Variants in BRI3BP observed in about 807,000 individuals in gnomAD.
BRI3BP encodes the protein BRI3-binding protein.
Under a neutral mutation model 15.8 loss-of-function variants are expected in BRI3BP, and 7 were observed. The observed-to-expected ratio is 0.44, with a 90% CI of 0.25 to 0.83. The LOEUF (loss-of-function observed/expected upper bound fraction) is 0.83, where lower values mean the gene tolerates loss of function less well. BRI3BP is among the 40% of genes least tolerant of loss of function. BRI3BP has a pLI of 0.20. For missense variants in BRI3BP, 320 were observed against 339.3 expected, an observed-to-expected ratio of 0.94 and a Z score of 0.45; for synonymous variants, 192 against 163.5, an observed-to-expected ratio of 1.17 and a Z score of -1.33.
rs776003115 is a variant in BRI3BP at position 125,012,595 on chromosome 12, G to A, written c.275G>A (p.Trp92Ter). The A allele has an allele frequency of 6.2e-7, 1 of 1,613,130 alleles. No homozygotes were observed. Among genetic ancestry groups the A allele is most frequent in the South Asian group, 1.1e-5 (1 of 91,056 alleles). Residue 92 changes from tryptophan to a stop codon, truncating the protein, a stop_gained, in exon 2 of 3, where the codon TGG (tryptophan) becomes TAG (stop). Coordinates refer to ENST00000341446, the MANE Select transcript of BRI3BP (RefSeq NM_080626.6). LOFTEE classifies it low-confidence loss of function (END_TRUNC). ...GTGGATATGTTCGTGGAGACACTGTGGAAAGTCTGGACCGAGCTCTTGGAT... is the reference window on the plus strand; with the variant it reads ...GTGGATATGTTCGTGGAGACACTGTAGAAAGTCTGGACCGAGCTCTTGGAT... ...LGVDMFVETL[W>*]KVWTELLDVL... is the part of the protein sequence containing the mutation.
chr12:125,003,699 TC>T (rs1955115837), intron 1 of BRI3BP, among the ~76,000 whole-genome samples: 1 of 152,162 alleles, frequency 6.6e-6, no homozygotes, highest in Non-Finnish European at 1.5e-5. Flanking sequence ...ATGCCTGTAA[TC>T]CCAGCACTTT....
chr12:125,022,537 A>ATTTTTTTTTT (rs1391143992), intron 2 of BRI3BP, among the ~76,000 whole-genome samples: 2 of 70,616 alleles, frequency 2.8e-5, no homozygotes, highest in Non-Finnish European at 2.8e-5. Flanking sequence ...TTATTTATTT[A>ATTTTTTTTTT]TTTATTTTTT....
intron 1 of BRI3BP, among the ~76,000 whole-genome samples, chr12:125,000,924 A>G (rs780839031): frequency 1.3e-5 from 2 of 152,200 alleles, no homozygotes; most frequent in Admixed American, 1.3e-4. Flanking sequence ...TCCATATTCA[A>G]ATTGTCTTTA....
At chr12:125,034,165 G>A (rs1331932520), downstream of BRI3BP, among the ~76,000 whole-genome samples, 1 of 152,060 alleles carries the variant, frequency 6.6e-6, no homozygotes, top group Non-Finnish European at 1.5e-5. Context: ...TACCGCCTCA[G>A]CCTCCCAAGT....
In BRI3BP at chr12:125,016,825, C is replaced by CTT. The variant is rs58016016; in HGVS notation, c.316+4215_316+4216dup. ...ACGGGCATGAGCCACTGCGCCCAGCCTTTTTTTTTTTTTTTTTTTTTTTTT... is the reference window on the plus strand; with the variant it reads ...ACGGGCATGAGCCACTGCGCCCAGCCTTTTTTTTTTTTTTTTTTTTTTTTTTT... On this transcript the variant is annotated intron_variant, in intron 2 of 2. Coordinates refer to ENST00000341446, the MANE Select transcript of BRI3BP (RefSeq NM_080626.6). Among the ~76,000 whole-genome samples the CTT allele has an allele frequency of 3.5e-4, 14 of 39,808 alleles. 3 individuals carry two copies. The highest frequency in any genetic ancestry group is 4.9e-4 in the African/African-American group (5 of 10,228). 26.1% of individuals were successfully genotyped at this position (39,808 alleles called of 152,430 possible).
chr12:125,025,209 G>A lies in BRI3BP; in HGVS notation c.535G>A (p.Gly179Ser). ...SCVYILHKYE[G>S]EPENAVLPLC... ...CGTGTACATCCTGCACAAGTACGAG[G>A]GCGAGCCGGAGAACGCGGTGCTGCC... Residue 179 changes from glycine (G) to serine (S), a missense_variant, in exon 3 of 3, where the codon GGC becomes AGC. Gly to Ser is a moderately conservative substitution (Grantham distance 56, BLOSUM62 0). Coordinates refer to ENST00000341446, the MANE Select transcript of BRI3BP (RefSeq NM_080626.6). 6.2e-7 allele frequency: 1 copy of A among 1,614,136 alleles called. No homozygotes were observed. The highest frequency in any genetic ancestry group is 1.1e-5 in the South Asian group (1 of 91,082).
At position 125,024,264 on chromosome 12, in the gene BRI3BP, C is replaced by G. The variant is rs559523025; in HGVS notation, c.317-727C>G. On this transcript the variant is annotated intron_variant, in intron 2 of 2. Coordinates refer to ENST00000341446, the MANE Select transcript of BRI3BP (RefSeq NM_080626.6). ...AACCATCAGATCTCATGAAACCCCC[C>G]CCCCTCCACTGTCACAAGAACAGCA... 1.1e-3 allele frequency among the ~76,000 whole-genome samples: 151 copies of G among 140,130 alleles called. 1 individual carries two copies. The highest frequency in any genetic ancestry group is 7.6e-3 in the East Asian group (32 of 4,184). 91.9% of individuals were successfully genotyped at this position (140,130 alleles called of 152,430 possible). A position where few individuals can be genotyped will look rare whatever the true frequency, so the allele number is the denominator to read the frequency against.
intron 1 of BRI3BP, among the ~76,000 whole-genome samples, chr12:125,000,620 A>G (rs1431671869): frequency 6.6e-6 from 1 of 152,080 alleles, no homozygotes; most frequent in Non-Finnish European, 1.5e-5. Flanking sequence ...CCTGTTTCCT[A>G]TAATTTTTTA....
At chr12:125,042,151 T>C in the BRI3BP span, among the ~76,000 whole-genome samples, 1 of 152,250 alleles carries the variant, frequency 6.6e-6, no homozygotes, top group Admixed American at 6.5e-5. Context: ...AATTTGGTTT[T>C]TTAAAACTTT....
In BRI3BP at chr12:125,027,115, C is replaced by T. The variant is rs1196694919; in HGVS notation, c.*1685C>T. On this transcript the variant is annotated 3_prime_UTR_variant, in exon 3 of 3. Transcript: ENST00000341446. ...CCTGCCAGACCTGCTACAACCAAGA[C>T]CTTATGGTCCAGGTCTCAGTTTGGA... The T allele has an allele frequency of 6.6e-6, 1 of 152,146 alleles. No homozygotes were observed. The highest frequency in any genetic ancestry group is 1.5e-5 in the Non-Finnish European group (1 of 68,030). 9.4% of individuals were successfully genotyped at this position (152,146 alleles called of 1,614,324 possible).
chr12:125,008,308 T>TTTTTTTTTTTTTTTTAA, intron 1 of BRI3BP, among the ~76,000 whole-genome samples: 1 of 145,282 alleles, frequency 6.9e-6, no homozygotes, highest in African/African-American at 2.6e-5. Context: ...TCTTTTTTTT[T>TTTTTTTTTTTTTTTTAA]TTTTTTTTTT....
the BRI3BP span, among the ~76,000 whole-genome samples, chr12:125,046,494 G>A: frequency 6.6e-6 from 1 of 152,148 alleles, no homozygotes; most frequent in Non-Finnish European, 1.5e-5. Flanking sequence ...TGCCTTGGGA[G>A]GCAGAGGTTG....
At chr12:125,017,621 A>G (rs1335907286) in intron 2 of BRI3BP, among the ~76,000 whole-genome samples, 1 of 152,132 alleles carries the variant, frequency 6.6e-6, no homozygotes, top group Non-Finnish European at 1.5e-5. Context: ...TCACATTTCA[A>G]GGGCTCAGCA....
Position 125,012,626 on chromosome 12 carries a change from T to G in BRI3BP, c.306T>G (p.Leu102=). 1 of 1,604,226 alleles carries G rather than the reference T, an allele frequency of 6.2e-7. No homozygotes were observed. The highest frequency in any genetic ancestry group is 1.1e-5 in the South Asian group (1 of 90,888). ...WKVWTELLDV[L]GLDVSNLSQY... Reference sequence around the variant, plus strand: ...TCTGGACCGAGCTCTTGGATGTTCTTGGACTTGACGGTAGGTGTAGGGGTG... The same window carrying G: ...TCTGGACCGAGCTCTTGGATGTTCTGGGACTTGACGGTAGGTGTAGGGGTG... The change falls in exon 2 of 3, where the codon CTT becomes CTG. Residue 102 remains leucine (L), a synonymous_variant. Transcript: ENST00000341446.
chr12:125,015,904 C>T (rs1955238524), intron 2 of BRI3BP, among the ~76,000 whole-genome samples: 1 of 152,296 alleles, frequency 6.6e-6, no homozygotes, highest in South Asian at 2.1e-4. Flanking sequence ...CCACCGCGTG[C>T]AATCCTCTTA....
chr12:124,994,784 C>T (rs1454472958), intron 1 of BRI3BP, among the ~76,000 whole-genome samples: 2 of 152,154 alleles, frequency 1.3e-5, no homozygotes, highest in African/African-American at 4.8e-5. Flanking sequence ...TGTGGTATTG[C>T]GGTTCCTTTG....
chr12:125,048,331 C>T, the BRI3BP span, among the ~76,000 whole-genome samples: 2 of 152,170 alleles, frequency 1.3e-5, no homozygotes, highest in Non-Finnish European at 2.9e-5. Flanking sequence ...TCAGATCTCA[C>T]CCCAAGGTGG....
At chr12:125,018,675 T>C (rs1471922629) in intron 2 of BRI3BP, among the ~76,000 whole-genome samples, 1 of 151,236 alleles carries the variant, frequency 6.6e-6, no homozygotes, top group African/African-American at 2.4e-5. Flanking sequence ...TCTGTTCTTT[T>C]TTTTTTTTTT....
In BRI3BP at chr12:125,025,016, C is replaced by T. The variant is rs764842697; in HGVS notation, c.342C>T (p.Ser114=). Reference sequence around the variant, plus strand: ...TCTCCAACCTGTCCCAGTATTTCAGCCCAGCCTCGGTGTCCAGCAGCCCGG... The same window carrying T: ...TCTCCAACCTGTCCCAGTATTTCAGTCCAGCCTCGGTGTCCAGCAGCCCGG... ...LDVSNLSQYF[S]PASVSSSPAR... is the part of the protein sequence containing the mutation. Residue 114 remains serine (S), a synonymous_variant, in exon 3 of 3, where the codon AGC becomes AGT. Coordinates refer to ENST00000341446, the MANE Select transcript of BRI3BP (RefSeq NM_080626.6). The T allele has an allele frequency of 6.2e-7, 1 of 1,613,050 alleles. No individual in the cohort carries two copies. The highest frequency in any genetic ancestry group is 1.7e-5 in the Admixed American group (1 of 59,984).
Sources: allele counts gnomAD v4.1 joint callset (sites outside exome capture counted in the v4.1 genomes callset), GRCh38; gene constraint gnomAD v4.1.1; transcripts MANE v1.5; gene names NCBI Gene and HGNC (gene_info 2026-07-23, HGNC 2026-07-21).